The following ACSL5 variants were observed in gnomAD, a reference collection of about 807,000 sequenced individuals.
The protein encoded by ACSL5 is long-chain-fatty-acid--CoA ligase 5.
A neutral mutation model predicts 84.9 loss-of-function variants in ACSL5; 50 were observed. That is an observed-to-expected ratio of 0.59 (90% confidence interval 0.47 to 0.75). The LOEUF is 0.75. ACSL5 is among the 30% of genes least tolerant of loss of function. ACSL5 has a pLI of 0.00. For missense variants in ACSL5, 775 were observed against 830.4 expected (o/e 0.93, Z 0.82); for synonymous variants, 280 against 300.7 (o/e 0.93, Z 0.71).
At chr10:112,421,540 C>A in intron 14 of ACSL5, 53 bp from the exon 15 acceptor site, 1 of 1,533,772 alleles carries the variant, frequency 6.5e-7, no homozygotes, top group South Asian at 1.1e-5. Flanking sequence ...TAGCACGTGG[C>A]CAGCTCACAC....
chr10:112,427,227 AT>A lies in ACSL5; in HGVS notation c.1926del (p.Leu643PhefsTer13). 6.2e-7 allele frequency: 1 copy of A among 1,611,948 alleles called. No homozygotes were observed. Among genetic ancestry groups the A allele is most frequent in the Non-Finnish European group, 8.5e-7 (1 of 1,179,236 alleles). ...TGTGTTCATCTTCCAGGTCAAAGCCATTTTTCTTCATCCAGAGCCATTTTCC... is the reference window on the plus strand; with the variant it reads ...TGTGTTCATCTTCCAGGTCAAAGCCATTTTCTTCATCCAGAGCCATTTTCC... ...GLKTFEQVKA[I>X]FLHPEPFSIE... On this transcript the variant is annotated frameshift_variant, in exon 21 of 21. Coordinates refer to ENST00000354655, the MANE Select transcript of ACSL5 (RefSeq NM_203379.2). LOFTEE classifies it high-confidence loss of function.
In ACSL5 at chr10:112,416,939, G is replaced by A. The variant is rs758047772; in HGVS notation, c.1135G>A (p.Val379Ile). Reference sequence around the variant, plus strand: ...GAAGAAGTTCTTGTTGAAGCTGGCTGTTTCCAGTAAATTCAAAGAGCTTCA... The same window carrying A: ...GAAGAAGTTCTTGTTGAAGCTGGCTATTTCCAGTAAATTCAAAGAGCTTCA... ...PLKKFLLKLAVSSKFKELQKG... is the reference protein window; with the variant it reads ...PLKKFLLKLAISSKFKELQKG... The change falls in exon 13 of 21, where the codon GTT becomes ATT. Residue 379 changes from valine (V) to isoleucine (I), a missense_variant. By Grantham distance (29) the Val-to-Ile change is conservative. Coordinates refer to ENST00000354655, the MANE Select transcript of ACSL5 (RefSeq NM_203379.2). The A allele has an allele frequency of 6.2e-7, 1 of 1,614,088 alleles. No individual in the cohort carries two copies. The highest frequency in any genetic ancestry group is 8.5e-7 in the Non-Finnish European group (1 of 1,179,988).
In ACSL5 at chr10:112,411,519, A is replaced by G. The variant is rs758274264; in HGVS notation, c.860A>G (p.Lys287Arg). ...GTTTCAAATGCTGCTGCCTTTCTCA[A>G]ATGTGTGGAGGTCAGTGGTCAGTTG... is the stretch of plus-strand genomic sequence containing the variant. ...NIVSNAAAFL[K>R]CVEHAYEPTP... Residue 287 changes from lysine to arginine, a missense_variant, in exon 10 of 21, where the codon AAA (lysine) becomes AGA (arginine). Physicochemically the swap from Lys to Arg is conservative, Grantham distance 26 (BLOSUM62 2). Transcript: ENST00000354655. 2.5e-6 allele frequency: 4 copies of G among 1,613,312 alleles called. No individual in the cohort carries two copies. The highest frequency in any genetic ancestry group is 1.3e-5 in the African/African-American group (1 of 74,880).
intron 5 of ACSL5, among the ~76,000 whole-genome samples, chr10:112,408,210 G>A (rs1029522760): frequency 6.7e-6 from 1 of 150,310 alleles, no homozygotes; most frequent in African/African-American, 2.5e-5. Flanking sequence ...GAGGTGGGAG[G>A]ATTGCTTGAT....
At chr10:112,381,240 C>G (rs555183827) in intron 1 of ACSL5, among the ~76,000 whole-genome samples, 11 of 152,314 alleles carry the variant, frequency 7.2e-5, no homozygotes, top group African/African-American at 2.2e-4. Context: ...CTGAAGCATT[C>G]TGTAAGAGTT....
chr10:112,420,249 A>AC (rs1378773025), intron 14 of ACSL5, among the ~76,000 whole-genome samples: 2 of 151,834 alleles, frequency 1.3e-5, no homozygotes, highest in Admixed American at 6.6e-5. Flanking sequence ...CACAGGCCAC[A>AC]CCCCCCATTG....
At chr10:112,422,271 C>A in intron 16 of ACSL5, 54 bp from the exon 17 acceptor site, 3 of 1,491,566 alleles carry the variant, frequency 2.0e-6, no homozygotes, top group Non-Finnish European at 2.8e-6. Flanking sequence ...AAACTGCCCA[C>A]GCTGGGAGGA....
chr10:112,412,810 T>C (rs931807514), intron 11 of ACSL5, among the ~76,000 whole-genome samples: 1 of 152,256 alleles, frequency 6.6e-6, no homozygotes, highest in African/African-American at 2.4e-5. Flanking sequence ...TTGGCAGTGC[T>C]TTCTTAGTGC....
At chr10:112,396,203 A>G (rs963086343) in intron 2 of ACSL5, 1 of 152,200 alleles carries the variant, frequency 6.6e-6, no homozygotes, top group African/African-American at 2.4e-5. Flanking sequence ...CGCCTTTTAT[A>G]ATATCATTCC....
chr10:112,381,783 AT>A (rs1365255136), intron 1 of ACSL5, among the ~76,000 whole-genome samples: 1 of 152,082 alleles, frequency 6.6e-6, no homozygotes, highest in African/African-American at 2.4e-5. Context: ...ACTGGCCAAT[AT>A]GGTGAAACCT....
At chr10:112,421,526 A>T (rs1050834360) in intron 14 of ACSL5, 67 bp from the exon 15 acceptor site, 14 of 1,422,120 alleles carry the variant, frequency 9.8e-6, no homozygotes, top group Non-Finnish European at 1.3e-5. Context: ...TCGTGTCTTG[A>T]CCATAGCACG....
chr10:112,425,460 T>A lies in ACSL5; in HGVS notation c.1716T>A (p.Phe572Leu), dbSNP rs770193636. The A allele has an allele frequency of 1.2e-6, 2 of 1,613,078 alleles. No individual in the cohort carries two copies. The highest frequency in any genetic ancestry group is 4.5e-5 in the East Asian group (2 of 44,794). Reference protein sequence around the residue: ...YNRSQPVLQIFVHGESLRSSL... With the variant: ...YNRSQPVLQILVHGESLRSSL... Reference sequence around the variant, plus strand: ...GGAGTCAACCAGTGTTACAAATTTTTGTACACGGGGAGAGCTTACGGGTAA... The same window carrying A: ...GGAGTCAACCAGTGTTACAAATTTTAGTACACGGGGAGAGCTTACGGGTAA... The change falls in exon 18 of 21, where the codon TTT becomes TTA. Residue 572 changes from phenylalanine (F) to leucine (L), a missense_variant. Physicochemically the swap from Phe to Leu is conservative, Grantham distance 22. Transcript: ENST00000354655.
intron 1 of ACSL5, among the ~76,000 whole-genome samples, chr10:112,389,418 G>A (rs774934824): frequency 9.2e-5 from 14 of 152,154 alleles, no homozygotes; most frequent in East Asian, 1.9e-4. Flanking sequence ...CCATCACCAC[G>A]TCAAAAAGTG....
intron 1 of ACSL5, chr10:112,375,536 T>A (rs1054752515): frequency 1.3e-5 from 2 of 152,218 alleles, no homozygotes; most frequent in Non-Finnish European, 2.9e-5. Context: ...TGCTGCTTCA[T>A]TCTGAGGTAT....
rs192893462 is a variant in ACSL5 at position 112,384,649 on chromosome 10, C to T, written c.-29-10269C>T. Among the ~76,000 whole-genome samples the T allele has an allele frequency of 1.7e-3, 261 of 152,112 alleles. 1 individual carries two copies. The highest frequency in any genetic ancestry group is 3.4e-3 in the Middle Eastern group (1 of 294). On this transcript the variant is annotated intron_variant, in intron 1 of 20. Coordinates refer to ENST00000354655, the MANE Select transcript of ACSL5 (RefSeq NM_203379.2). ...CAGGCTCCCAGGTAGTGGGGACTAC[C>T]GGCATGCACCGCCAAGCGAGGCTAA...
At position 112,398,041 on chromosome 10, in the gene ACSL5, C is replaced by CTTT. The variant is rs1188049832; in HGVS notation, c.157-820_157-818dup. Among the ~76,000 whole-genome samples the CTTT allele has an allele frequency of 2.0e-3, 11 of 5,460 alleles. 5 individuals are homozygous for CTTT. The highest frequency in any genetic ancestry group is 4.2e-3 in the Non-Finnish European group (9 of 2,146). 3.6% of individuals were successfully genotyped at this position (5,460 alleles called of 152,430 possible). A position where few individuals can be genotyped will look rare whatever the true frequency, so the allele number is the denominator to read the frequency against. ...TGGGTGGGATTACAGATCCACTTTT[C>CTTT]TTTTTTTTTTTTTTTTTTTTTTTTT... On this transcript the variant is annotated intron_variant, in intron 2 of 20. Coordinates refer to ENST00000354655, the MANE Select transcript of ACSL5 (RefSeq NM_203379.2).
At position 112,374,435 on chromosome 10, in the gene ACSL5, G is replaced by A. The variant is rs1849202006; in HGVS notation, c.-30+166G>A. On this transcript the variant is annotated intron_variant, in intron 1 of 20. Transcript: ENST00000354655. ...TAGTAATCTCAGCTGACTTGTGTGG[G>A]AGGCAAAGAAAAAAATCAGTTGGAA... 3.9e-5 allele frequency among the ~76,000 whole-genome samples: 6 copies of A among 152,126 alleles called. No individual in the cohort carries two copies. The South Asian group carries it at 1.2e-3, about 32-fold the overall frequency.
intron 1 of ACSL5, among the ~76,000 whole-genome samples, chr10:112,382,521 A>T (rs918722385): frequency 1.3e-5 from 2 of 152,208 alleles, no homozygotes; most frequent in Non-Finnish European, 2.9e-5. Flanking sequence ...CAGATCCATG[A>T]GTCCCAGGAA....
chr10:112,408,687 C>A (rs534481718), intron 6 of ACSL5, 166 bp downstream of exon 6: 3 of 571,300 alleles, frequency 5.3e-6, no homozygotes, highest in East Asian at 5.9e-5. Context: ...ATATAATTTT[C>A]AGGAAAGCTA....
Sources: gnomAD v4.1 joint callset for allele counts (sites outside exome capture counted in the v4.1 genomes callset) on GRCh38, gnomAD v4.1.1 for gene constraint, MANE v1.5 for transcripts, NCBI Gene and HGNC (gene_info 2026-07-23, HGNC 2026-07-21) for gene names.